The following BMP5 variants were observed in gnomAD, a reference collection of about 807,000 sequenced individuals.
BMP5 encodes bone morphogenetic protein 5.
A neutral mutation model predicts 46.6 loss-of-function variants in BMP5; 23 were observed. That is an observed-to-expected ratio of 0.49 (90% CI 0.35 to 0.70). The LOEUF (loss-of-function observed/expected upper bound fraction) is 0.70. Ranked by LOEUF, BMP5 falls within the 30% of genes least tolerant of loss-of-function variation. The probability of loss-of-function intolerance (pLI) is 0.00; values close to 1 mark genes in which losing one functional copy is unlikely to be tolerated. For missense variants in BMP5, 545 were observed against 565.6 expected, an observed-to-expected ratio of 0.96 and a Z score of 0.37; for synonymous variants, 204 against 191.9, an observed-to-expected ratio of 1.06 and a Z score of -0.52.
At chr6:55,836,472 T>C (rs997998711) in intron 1 of BMP5, among the ~76,000 whole-genome samples, 1 of 152,126 alleles carries the variant, frequency 6.6e-6, no homozygotes, top group East Asian at 1.9e-4. Flanking sequence ...GAAATCTAAA[T>C]TGACAAAACT....
intron 5 of BMP5, among the ~76,000 whole-genome samples, chr6:55,759,492 T>C (rs1301760929): frequency 6.6e-6 from 1 of 151,918 alleles, no homozygotes; most frequent in African/African-American, 2.4e-5. Context: ...CAGGAAATGA[T>C]GAACTCTGGA....
intron 5 of BMP5, among the ~76,000 whole-genome samples, chr6:55,760,193 C>A (rs903280162): frequency 4.6e-5 from 7 of 151,940 alleles, no homozygotes; most frequent in Non-Finnish European, 8.8e-5. Context: ...TAAACAACGG[C>A]ACTCTTTTTT....
Position 55,759,090 on chromosome 6 carries a change from T to C in BMP5, c.1130A>G (p.Tyr377Cys). 7.0e-7 allele frequency: 1 copy of C among 1,432,998 alleles called. No homozygotes were observed. Among genetic ancestry groups the C allele is most frequent in the Non-Finnish European group, 9.3e-7 (1 of 1,079,684 alleles). 88.8% of individuals were successfully genotyped at this position (1,432,998 alleles called of 1,614,324 possible). Reference sequence around the variant, plus strand: ...TTCTCCATCACAATAAAATGCAGCGTATCCTTCTGGTGCTATAATCCAGTC... The same window carrying C: ...TTCTCCATCACAATAAAATGCAGCGCATCCTTCTGGTGCTATAATCCAGTC... ...WQDWIIAPEG[Y>C]AAFYCDGECS... Residue 377 changes from tyrosine to cysteine, a missense_variant, in exon 6 of 7, where the codon TAC becomes TGC. By Grantham distance (194) the Tyr-to-Cys change is radical. Transcript: ENST00000370830.
chr6:55,779,009 A>G (rs1043688146), intron 3 of BMP5, among the ~76,000 whole-genome samples: 9 of 152,070 alleles, frequency 5.9e-5, no homozygotes, highest in Non-Finnish European at 1.0e-4. Context: ...TCCCAGACTC[A>G]CCGGTTTTGT....
intron 1 of BMP5, among the ~76,000 whole-genome samples, chr6:55,838,272 G>T (rs1776871438): frequency 6.6e-6 from 1 of 152,084 alleles, no homozygotes; most frequent in Non-Finnish European, 1.5e-5. Context: ...GTGTACCAGG[G>T]TTCCCTTTTC....
At chr6:55,873,015 C>T (rs1361904298) in intron 1 of BMP5, among the ~76,000 whole-genome samples, 1 of 151,766 alleles carries the variant, frequency 6.6e-6, no homozygotes, top group Non-Finnish European at 1.5e-5. Flanking sequence ...TCCAGGACAC[C>T]TGATTAGTGC....
chr6:55,759,852 T>G (rs1359571063), intron 5 of BMP5, among the ~76,000 whole-genome samples: 1 of 151,916 alleles, frequency 6.6e-6, no homozygotes, highest in Non-Finnish European at 1.5e-5. Flanking sequence ...TTGAATATAT[T>G]TACATTTTAA....
chr6:55,804,548 C>G (rs935222105), intron 2 of BMP5, among the ~76,000 whole-genome samples: 6 of 152,048 alleles, frequency 3.9e-5, no homozygotes, highest in African/African-American at 7.2e-5. Context: ...ATATATTCCC[C>G]TGATTAGGAT....
rs1260762678 is a variant in BMP5, at chr6:55,874,561, C to T, written c.305G>A (p.Arg102Lys). Residue 102 changes from arginine (R) to lysine (K), a missense_variant, in exon 1 of 7, where the codon AGG (arginine) becomes AAG (lysine). Coordinates refer to ENST00000370830, the MANE Select transcript of BMP5 (RefSeq NM_021073.4). ...TCTGGTCTCTTCTGCCAAGGATGCC[C>T]TTACTGAGTACTCCGACTCTTCAGG... is the stretch of plus-strand genomic sequence containing the variant. ...ENPEESEYSV[R>K]ASLAEETRGA... 1.2e-6 allele frequency: 2 copies of T among 1,613,412 alleles called. No individual in the cohort carries two copies. The highest frequency in any genetic ancestry group is 2.2e-5 in the East Asian group (1 of 44,834).
chr6:55,865,432 A>C, intron 1 of BMP5: 1 of 505,350 alleles, frequency 2.0e-6, no homozygotes, highest in Non-Finnish European at 4.0e-6. Context: ...AGCACCTTTC[A>C]GCAGCTAATC....
At position 55,807,423 on chromosome 6, in the gene BMP5, G is replaced by T. The variant is rs1217934917; in HGVS notation, c.683+12232C>A. 2.0e-5 allele frequency among the ~76,000 whole-genome samples: 3 copies of T among 152,174 alleles called. No individual in the cohort carries two copies. In the East Asian group the frequency reaches 5.8e-4, roughly 29 times the overall value. ...TCCCAGGGATCAAGTCAACTTGATCGTGGTGGATAAGCTTTTGGATGTGCT... is the reference window on the plus strand; with the variant it reads ...TCCCAGGGATCAAGTCAACTTGATCTTGGTGGATAAGCTTTTGGATGTGCT... On this transcript the variant is annotated intron_variant, in intron 2 of 6. Transcript: ENST00000370830.
chr6:55,823,390 C>T (rs1776454465), intron 1 of BMP5, among the ~76,000 whole-genome samples: 1 of 151,998 alleles, frequency 6.6e-6, no homozygotes, highest in African/African-American at 2.4e-5. Context: ...ATGAATGGGT[C>T]AAAATCTAGT....
intron 1 of BMP5, 80 bp downstream of exon 1, chr6:55,874,295 AC>A: frequency 6.3e-7 from 1 of 1,576,722 alleles, no homozygotes; most frequent in Admixed American, 1.7e-5. Flanking sequence ...AAACATGACC[AC>A]CTACCAAGCA....
intron 3 of BMP5, among the ~76,000 whole-genome samples, chr6:55,789,423 G>A (rs189903753): frequency 8.6e-5 from 13 of 151,912 alleles, no homozygotes; most frequent in Admixed American, 2.0e-4. Flanking sequence ...ATCAAACAAC[G>A]GAAAATTATA....
chr6:55,803,820 G>A (rs1402232397), intron 2 of BMP5, among the ~76,000 whole-genome samples: 2 of 152,170 alleles, frequency 1.3e-5, no homozygotes, highest in African/African-American at 4.8e-5. Context: ...CCAAAGGCAT[G>A]AGAAAGACAT....
chr6:55,799,244 C>T (rs936480053), intron 2 of BMP5, among the ~76,000 whole-genome samples: 1 of 152,102 alleles, frequency 6.6e-6, no homozygotes, highest in African/African-American at 2.4e-5. Flanking sequence ...AATCTGCAAT[C>T]TTTTATAGGG....
At chr6:55,855,532 G>A (rs1017347221) in intron 1 of BMP5, among the ~76,000 whole-genome samples, 1 of 152,096 alleles carries the variant, frequency 6.6e-6, no homozygotes, top group Admixed American at 6.6e-5. Flanking sequence ...AAGTTTACCA[G>A]AAGTTTGTTG....
intron 1 of BMP5, among the ~76,000 whole-genome samples, chr6:55,825,490 T>C (rs1330938754): frequency 6.6e-6 from 1 of 152,000 alleles, no homozygotes; most frequent in East Asian, 1.9e-4. Context: ...CCAAACTATG[T>C]CCTAAGTGCT....
At chr6:55,858,127 TAAGTTATAGA>T (rs1294585111) in intron 1 of BMP5, among the ~76,000 whole-genome samples, 14 of 152,352 alleles carry the variant, frequency 9.2e-5, no homozygotes, top group Non-Finnish European at 1.9e-4. Flanking sequence ...GTTTTATAAT[TAAGTTATAGA>T]AGGTTATTTG....
Sources: allele counts gnomAD v4.1 joint callset (sites outside exome capture counted in the v4.1 genomes callset), GRCh38; gene constraint gnomAD v4.1.1; transcripts MANE v1.5; gene names NCBI Gene and HGNC (gene_info 2026-07-23, HGNC 2026-07-21).